PIK3CA: variants seen among roughly 807,000 people sequenced by gnomAD.
PIK3CA encodes the protein phosphatidylinositol 4,5-bisphosphate 3-kinase catalytic subunit alpha isoform.
In PIK3CA, 27 loss-of-function variants were observed where a neutral mutation model predicts 138.2. The ratio of observed to expected loss-of-function variants is 0.20; its 90% CI spans 0.14 to 0.27. The LOEUF (loss-of-function observed/expected upper bound fraction) is 0.27, where lower values mean the gene tolerates loss of function less well. Among genes scored for constraint, PIK3CA ranks in the 10% least tolerant of loss-of-function variants. PIK3CA has a pLI of 1.00. For missense variants in PIK3CA, 544 were observed against 1,277.4 expected, an observed-to-expected ratio of 0.43 and a Z score of 8.75; for synonymous variants, 358 against 413.2, an observed-to-expected ratio of 0.87 and a Z score of 1.62.
chr3:179,152,162 A>G (rs996233974), intron 1 of PIK3CA, among the ~76,000 whole-genome samples: 2 of 152,216 alleles, frequency 1.3e-5, no homozygotes, highest in African/African-American at 4.8e-5. Flanking sequence ...AAAATGTACA[A>G]CCCTGAAATT....
chr3:179,174,174 T>C (rs1263541565), intron 1 of PIK3CA, among the ~76,000 whole-genome samples: 3 of 151,732 alleles, frequency 2.0e-5, no homozygotes, highest in Non-Finnish European at 2.9e-5. Flanking sequence ...AACTGAAAGG[T>C]TAATAAAAAC....
chr3:179,215,312 TAAAAG>T (rs959312932), intron 9 of PIK3CA, among the ~76,000 whole-genome samples: 2 of 152,216 alleles, frequency 1.3e-5, no homozygotes, highest in Non-Finnish European at 2.9e-5. Context: ...TATTCTTTCT[TAAAAG>T]AAATTTTATT....
chr3:179,155,797 GT>G (rs1319082195), intron 1 of PIK3CA, among the ~76,000 whole-genome samples: 1 of 152,122 alleles, frequency 6.6e-6, no homozygotes, highest in Admixed American at 6.5e-5. Flanking sequence ...TTATTAACTA[GT>G]TGCCTATTTC....
At chr3:179,202,053 GTTGT>G (rs1724425283) in intron 4 of PIK3CA, among the ~76,000 whole-genome samples, 1 of 152,106 alleles carries the variant, frequency 6.6e-6, no homozygotes, top group Non-Finnish European at 1.5e-5. Context: ...CCATGGGGTT[GTTGT>G]TTTTGTTGTT....
At chr3:179,190,761 G>A (rs1724113271) in intron 1 of PIK3CA, among the ~76,000 whole-genome samples, 1 of 152,174 alleles carries the variant, frequency 6.6e-6, no homozygotes, top group South Asian at 2.1e-4. Flanking sequence ...CAGGAGAAAA[G>A]GCATGTAAAT....
chr3:179,224,230 T>C, intron 15 of PIK3CA, 43 bp downstream of exon 15: 1 of 941,786 alleles, frequency 1.1e-6, no homozygotes, highest in South Asian at 1.5e-5. Context: ...AATAAATACC[T>C]TTTCTGGATA....
chr3:179,206,740 CA>C (rs1724571305), intron 6 of PIK3CA, among the ~76,000 whole-genome samples: 1 of 151,900 alleles, frequency 6.6e-6, no homozygotes. Context: ...TATGGAAAAA[CA>C]CAGTCTCTAC....
chr3:179,184,537 A>G (rs1723927745), intron 1 of PIK3CA, among the ~76,000 whole-genome samples: 1 of 152,232 alleles, frequency 6.6e-6, no homozygotes. Flanking sequence ...AAATCTGTTA[A>G]GTTTGGAATG....
At chr3:179,215,299 CTG>C (rs1724812289) in intron 9 of PIK3CA, among the ~76,000 whole-genome samples, 1 of 152,146 alleles carries the variant, frequency 6.6e-6, no homozygotes, top group Admixed American at 6.6e-5. Flanking sequence ...TATTTGATGA[CTG>C]TATTCTTTCT....
At position 179,236,772 on chromosome 3, in the gene PIK3CA, A is replaced by G. The variant is rs1725340777; in HGVS notation, c.*2408A>G. The G allele has an allele frequency of 9.2e-6, 2 of 216,240 alleles. No homozygotes were observed. The highest frequency in any genetic ancestry group is 1.9e-5 in the Non-Finnish European group (2 of 106,138). 13.4% of individuals were successfully genotyped at this position (216,240 alleles called of 1,614,324 possible). A position where few individuals can be genotyped will look rare whatever the true frequency, so the allele number is the denominator to read the frequency against. ...AGAAGAAATGTAGACAAATTCTATAAAGACTATAGATTGTGACCTAAGAAA... is the reference window on the plus strand; with the variant it reads ...AGAAGAAATGTAGACAAATTCTATAGAGACTATAGATTGTGACCTAAGAAA... On this transcript the variant is annotated 3_prime_UTR_variant, in exon 21 of 21. Coordinates refer to ENST00000263967, the MANE Select transcript of PIK3CA (RefSeq NM_006218.4).
chr3:179,215,987 C>A (rs1724828187), intron 9 of PIK3CA, among the ~76,000 whole-genome samples: 1 of 152,126 alleles, frequency 6.6e-6, no homozygotes, highest in Non-Finnish European at 1.5e-5. Context: ...CTACTGCAGG[C>A]CAGTAGTGCC....
chr3:179,217,494 G>A (rs991539660), intron 9 of PIK3CA, among the ~76,000 whole-genome samples: 1 of 151,992 alleles, frequency 6.6e-6, no homozygotes, highest in Admixed American at 6.6e-5. Context: ...AAACCAAGTG[G>A]CATGGATGTC....
At chr3:179,214,648 A>T (rs575071850) in intron 9 of PIK3CA, among the ~76,000 whole-genome samples, 1 of 152,322 alleles carries the variant, frequency 6.6e-6, no homozygotes, top group African/African-American at 2.4e-5. Context: ...TTGGAAAAAT[A>T]GTGCCAGGAG....
In PIK3CA at chr3:179,237,118, A is replaced by T. The variant is rs908944474; in HGVS notation, c.*2754A>T. On this transcript the variant is annotated 3_prime_UTR_variant, in exon 21 of 21. Coordinates refer to ENST00000263967, the MANE Select transcript of PIK3CA (RefSeq NM_006218.4). The stretch of plus-strand genomic sequence containing the variant: ...TTGGAAAATTATGCTTTCACTTTCT[A>T]CCATATTCTCAGCTATACAAAACCA... 1 of 196,788 alleles carries T rather than the reference A, an allele frequency of 5.1e-6. No homozygotes were observed. Among genetic ancestry groups the T allele is most frequent in the Non-Finnish European group, 1.1e-5 (1 of 94,926 alleles). The allele number at this position is 196,788 out of a possible 1,614,324, so 12.2% of individuals were successfully genotyped here. A position where few individuals can be genotyped will look rare whatever the true frequency, so the allele number is the denominator to read the frequency against.
intron 6 of PIK3CA, among the ~76,000 whole-genome samples, chr3:179,205,650 A>G (rs769977553): frequency 2.6e-5 from 4 of 152,186 alleles, no homozygotes; most frequent in Non-Finnish European, 4.4e-5. Flanking sequence ...GAACATTTTA[A>G]ATTATTACTG....
chr3:179,176,614 T>C (rs1160055475), intron 1 of PIK3CA, among the ~76,000 whole-genome samples: 1 of 152,226 alleles, frequency 6.6e-6, no homozygotes, highest in African/African-American at 2.4e-5. Flanking sequence ...TTGCTACATC[T>C]TGGAGATCTT....
chr3:179,174,280 C>A (rs1206785635), intron 1 of PIK3CA, among the ~76,000 whole-genome samples: 1 of 151,866 alleles, frequency 6.6e-6, no homozygotes, highest in Non-Finnish European at 1.5e-5. Context: ...ACCAGCCTGG[C>A]CAACACAGCG....
chr3:179,226,955 CATG>C (rs1220683057), intron 17 of PIK3CA, among the ~76,000 whole-genome samples: 1 of 151,990 alleles, frequency 6.6e-6, no homozygotes, highest in African/African-American at 2.4e-5. Flanking sequence ...TTTCCTGTGT[CATG>C]AGAGATCCAC....
At chr3:179,182,960 ATTG>A (rs1560131473) in intron 1 of PIK3CA, among the ~76,000 whole-genome samples, 2 of 152,300 alleles carry the variant, frequency 1.3e-5, no homozygotes. Flanking sequence ...ATGACTTCAC[ATTG>A]TTGTTGCTTT....
Sources: gnomAD v4.1 joint callset for allele counts (sites outside exome capture counted in the v4.1 genomes callset) on GRCh38, gnomAD v4.1.1 for gene constraint, MANE v1.5 for transcripts, NCBI Gene and HGNC (gene_info 2026-07-23, HGNC 2026-07-21) for gene names.